The following MLLT6 variants were observed in gnomAD, a reference collection of about 807,000 sequenced individuals.
The protein encoded by MLLT6 is MLLT6, PHD finger containing.
MLLT6 carries 22 observed loss-of-function variants against 103.0 expected under a neutral mutation model. That is an observed-to-expected ratio of 0.21 (90% CI 0.15 to 0.31). The LOEUF (loss-of-function observed/expected upper bound fraction) is 0.31, where lower values mean the gene tolerates loss of function less well. Among genes scored for constraint, MLLT6 ranks in the 10% least tolerant of loss-of-function variants. MLLT6 has a pLI of 1.00. For missense variants in MLLT6, 1,199 were observed against 1,441.7 expected, an observed-to-expected ratio of 0.83 and a Z score of 2.73; for synonymous variants, 606 against 623.5, an observed-to-expected ratio of 0.97 and a Z score of 0.42.
chr17:38,724,285 A>C lies in MLLT6; in HGVS notation c.2884-335A>C. 3.3e-6 allele frequency: 1 copy of C among 302,192 alleles called. No homozygotes were observed. The highest frequency in any genetic ancestry group is 5.5e-5 in the East Asian group (1 of 18,090). 18.7% of individuals were successfully genotyped at this position (302,192 alleles called of 1,614,324 possible). A position where few individuals can be genotyped will look rare whatever the true frequency, so the allele number is the denominator to read the frequency against. On this transcript the variant is annotated intron_variant, in intron 18 of 19. Transcript: ENST00000621332. The surrounding 1 kb of genome is among the most constrained non-coding windows in gnomAD (Gnocchi z 5.4). The stretch of plus-strand genomic sequence containing the variant: ...AAAGAAAAGAAAAGAAAAGAAAACT[A>C]TTGACCTAGTTTAGTGTTTTTCAAC...
chr17:38,707,181 A>C, intron 2 of MLLT6, 152 bp downstream of exon 2: 1 of 657,262 alleles, frequency 1.5e-6, no homozygotes, highest in South Asian at 2.1e-5. Context: ...CTCCAACCTC[A>C]TCTCTGCCTC....
intron 18 of MLLT6, among the ~76,000 whole-genome samples, chr17:38,723,764 CAG>C (rs1383568831): frequency 2.9e-5 from 4 of 140,120 alleles, no homozygotes; most frequent in Non-Finnish European, 6.1e-5. Flanking sequence ...TTTTTTGAGA[CAG>C]AGTTTCACTC....
chr17:38,707,932 G>A lies in MLLT6; in HGVS notation c.354+60G>A, dbSNP rs546536382. On this transcript the variant is annotated intron_variant, in intron 4 of 19. Coordinates refer to ENST00000621332, the MANE Select transcript of MLLT6 (RefSeq NM_005937.4). ...CCTCCCATCTATGGGTTCCTCCAACGCTCTCTTCATCCGGTGTAATTTGAT... is the reference window on the plus strand; with the variant it reads ...CCTCCCATCTATGGGTTCCTCCAACACTCTCTTCATCCGGTGTAATTTGAT... The A allele has an allele frequency of 1.5e-4, 156 of 1,043,122 alleles. 1 individual carries two copies. The South Asian group carries it at 1.9e-3, about 13-fold the overall frequency. The allele number at this position is 1,043,122 out of a possible 1,614,324, so 64.6% of individuals were successfully genotyped here.
rs1366386855 is a variant in MLLT6 at position 38,725,653 on chromosome 17, A to C, written c.*55A>C. On this transcript the variant is annotated 3_prime_UTR_variant, in exon 20 of 20. Transcript: ENST00000621332. ...AGTGGAGGGAACAGATCCTGGCCTG[A>C]GGGGTCCTAGCCTGGAGCAGGCGCC... is the stretch of plus-strand genomic sequence containing the variant. The C allele has an allele frequency of 6.1e-5, 89 of 1,456,580 alleles. No homozygotes were observed. Among genetic ancestry groups the C allele is most frequent in the Non-Finnish European group, 8.1e-5 (87 of 1,070,040 alleles). The allele number at this position is 1,456,580 out of a possible 1,614,324, so 90.2% of individuals were successfully genotyped here.
At chr17:38,713,052 C>T (rs1905198447) in intron 8 of MLLT6, 2 of 773,896 alleles carry the variant, frequency 2.6e-6, no homozygotes, top group Non-Finnish European at 2.4e-6. Context: ...GGGCCTCAGC[C>T]CTGGGCTCTT....
Position 38,729,529 on chromosome 17 carries a change from C to A in MLLT6, c.*3931C>A. 4.3e-6 allele frequency: 1 copy of A among 233,334 alleles called. No homozygotes were observed. The highest frequency in any genetic ancestry group is 8.5e-6 in the Non-Finnish European group (1 of 117,848). The allele number at this position is 233,334 out of a possible 1,614,324, so 14.5% of individuals were successfully genotyped here. On this transcript the variant is annotated 3_prime_UTR_variant, in exon 20 of 20. Transcript: ENST00000621332. ...GCTCCCGTCCCGCCCCCTTTCTATC[C>A]CAACCTGTTTCCATGTAGCAGACCC...
intron 1 of MLLT6, 115 bp from the exon 2 acceptor site, chr17:38,706,835 G>A: frequency 1.3e-6 from 1 of 772,378 alleles, no homozygotes; most frequent in Non-Finnish European, 2.1e-6. Flanking sequence ...CTGGGGAGCA[G>A]CCCCCACTGC....
rs1188097311 is a variant in MLLT6, at chr17:38,706,825, C to G, written c.110-125C>G. 4 of 704,810 alleles carry G rather than the reference C, an allele frequency of 5.7e-6. 1 individual carries two copies. The highest frequency in any genetic ancestry group is 9.6e-6 in the Non-Finnish European group (4 of 418,000). The allele number at this position is 704,810 out of a possible 1,614,324, so 43.7% of individuals were successfully genotyped here. On this transcript the variant is annotated intron_variant, in intron 1 of 19. Transcript: ENST00000621332. ...TGCTGTAGAGTGAGTGACCCGTAGA[C>G]TGGGGAGCAGCCCCCACTGCTGGAA... is the stretch of plus-strand genomic sequence containing the variant.
chr17:38,723,284 G>A (rs1213199597), intron 18 of MLLT6, among the ~76,000 whole-genome samples: 1 of 152,192 alleles, frequency 6.6e-6, no homozygotes, highest in Non-Finnish European at 1.5e-5. Flanking sequence ...CAGATCGCTT[G>A]AGCTCAGGAG....
intron 8 of MLLT6, chr17:38,713,307 G>T: frequency 7.3e-6 from 3 of 408,448 alleles, no homozygotes; most frequent in Admixed American, 4.1e-5. Context: ...AGCAGGGCAT[G>T]GTATGTCAGG....
chr17:38,705,390 G>A lies in MLLT6; in HGVS notation c.-243G>A, dbSNP rs1451997977. On this transcript the variant is annotated 5_prime_UTR_variant, in exon 1 of 20. Coordinates refer to ENST00000621332, the MANE Select transcript of MLLT6 (RefSeq NM_005937.4). ...GTGCGAGTCTCATTGTTGTGGGGGG[G>A]GCCCGTCGGGGCATGAGGGCGAGAG... 6.6e-6 allele frequency among the ~76,000 whole-genome samples: 1 copy of A among 150,394 alleles called. No individual in the cohort carries two copies. Among genetic ancestry groups the A allele is most frequent in the Admixed American group, 6.6e-5 (1 of 15,174 alleles).
chr17:38,717,343 G>A (rs1010125968), intron 10 of MLLT6, 89 bp from the exon 11 acceptor site: 24 of 1,074,656 alleles, frequency 2.2e-5, no homozygotes, highest in African/African-American at 6.4e-5. Flanking sequence ...GGGAGCACTC[G>A]AGCTGGGGAG....
intron 7 of MLLT6, chr17:38,712,231 C>T (rs1905166677): frequency 2.0e-6 from 1 of 498,614 alleles, no homozygotes; most frequent in South Asian, 8.6e-5. Context: ...TCCTCTGGGT[C>T]CTCCCCATGA....
rs1567933507 is a variant in MLLT6, at chr17:38,727,942, C to T, written c.*2344C>T. On this transcript the variant is annotated 3_prime_UTR_variant, in exon 20 of 20. Coordinates refer to ENST00000621332, the MANE Select transcript of MLLT6 (RefSeq NM_005937.4). ...GAGAAGTAAGTCTACCCCGAGGTTG[C>T]CATGTTGAAGAGTGAGAGGTCCAAG... The T allele has an allele frequency of 8.6e-6, 2 of 233,280 alleles. No homozygotes were observed. The highest frequency in any genetic ancestry group is 6.0e-5 in the East Asian group (1 of 16,588). The allele number at this position is 233,280 out of a possible 1,614,324, so 14.5% of individuals were successfully genotyped here. A position where few individuals can be genotyped will look rare whatever the true frequency, so the allele number is the denominator to read the frequency against.
At position 38,707,676 on chromosome 17, in the gene MLLT6, G is replaced by A. The variant is rs894261822; in HGVS notation, c.245-87G>A. 1.9e-5 allele frequency: 23 copies of A among 1,224,790 alleles called. No individual in the cohort carries two copies. In the African/African-American group the frequency reaches 3.3e-4, roughly 17 times the overall value. 75.9% of individuals were successfully genotyped at this position (1,224,790 alleles called of 1,614,324 possible). A position where few individuals can be genotyped will look rare whatever the true frequency, so the allele number is the denominator to read the frequency against. On this transcript the variant is annotated intron_variant, in intron 3 of 19. Coordinates refer to ENST00000621332, the MANE Select transcript of MLLT6 (RefSeq NM_005937.4). Reference sequence around the variant, plus strand: ...TGGAATCTGATGGGAAGGCTGTGGAGGAGGGAACAGTCTGCAGCGTGGGGT... The same window carrying A: ...TGGAATCTGATGGGAAGGCTGTGGAAGAGGGAACAGTCTGCAGCGTGGGGT...
In MLLT6 at chr17:38,705,661, T is replaced by A; in HGVS notation, c.29T>A (p.Val10Glu). The change falls in exon 1 of 20, where the codon GTA (valine) becomes GAA (glutamate). Residue 10 changes from valine to glutamate, a missense_variant. Val to Glu is a moderately radical substitution (Grantham distance 121, BLOSUM62 -2). Coordinates refer to ENST00000621332, the MANE Select transcript of MLLT6 (RefSeq NM_005937.4). The part of the protein sequence containing the change: MKEMVGGCC[V>E]CSDERGWAEN... ...AAGGAGATGGTAGGAGGCTGCTGCG[T>A]ATGTTCGGACGAGAGGGGCTGGGCC... The A allele has an allele frequency of 6.7e-7, 1 of 1,498,206 alleles. No homozygotes were observed. The highest frequency in any genetic ancestry group is 9.0e-7 in the Non-Finnish European group (1 of 1,112,246). The allele number at this position is 1,498,206 out of a possible 1,614,324, so 92.8% of individuals were successfully genotyped here.
Position 38,716,385 on chromosome 17 carries a change from C to T in MLLT6, c.1055C>T (p.Ser352Phe). Residue 352 changes from serine to phenylalanine, a missense_variant, in exon 10 of 20, where the codon TCC becomes TTC. By Grantham distance (155) the Ser-to-Phe change is radical. This residue lies in a region of MLLT6 where 1,034 missense variants were observed against 1,091.5 expected (regional missense o/e 0.95). Coordinates refer to ENST00000621332, the MANE Select transcript of MLLT6 (RefSeq NM_005937.4). The surrounding 1 kb of genome is among the most constrained non-coding windows in gnomAD (Gnocchi z 5.6). ...FQPAVSSLQS[S>F]PDFSAFPKLE... is the part of the protein sequence containing the mutation. The stretch of plus-strand genomic sequence containing the variant: ...TGCACAGTCTCGTCCCTGCAGAGCT[C>T]CCCTGACTTCTCTGCATTCCCCAAG... 4 of 1,613,112 alleles carry T rather than the reference C, an allele frequency of 2.5e-6. No individual in the cohort carries two copies. The highest frequency in any genetic ancestry group is 3.4e-6 in the Non-Finnish European group (4 of 1,179,626).
rs1415679497 is a variant in MLLT6 at position 38,716,835 on chromosome 17, A to C, written c.1505A>C (p.Gln502Pro). ...GPAAPSLPSA[Q>P]LAGFTATAAS... The stretch of plus-strand genomic sequence containing the variant: ...GCTGCCCCATCCTTGCCCAGTGCCC[A>C]GCTGGCTGGCTTTACCGCCACTGCT... Residue 502 changes from glutamine to proline, a missense_variant, in exon 10 of 20, where the codon CAG becomes CCG. Around this residue, in one of 7 missense-constraint regions of MLLT6, gnomAD observed 1,034 missense variants for 1,091.5 expected, o/e 0.95. Coordinates refer to ENST00000621332, the MANE Select transcript of MLLT6 (RefSeq NM_005937.4). This position sits in a 1 kb window ranked among gnomAD's most constrained non-coding sequence, Gnocchi z 5.6. 1 of 1,612,794 alleles carries C rather than the reference A, an allele frequency of 6.2e-7. No individual in the cohort carries two copies. Among genetic ancestry groups the C allele is most frequent in the South Asian group, 1.1e-5 (1 of 90,858 alleles).
At chr17:38,713,036 T>C (rs762408114) in intron 8 of MLLT6, 7 of 776,138 alleles carry the variant, frequency 9.0e-6, no homozygotes, top group Non-Finnish European at 1.7e-5. Flanking sequence ...TCTGCCTCTG[T>C]CCAGAGGGCC....
Sources: allele counts gnomAD v4.1 joint callset (sites outside exome capture counted in the v4.1 genomes callset), GRCh38; gene constraint gnomAD v4.1.1; regional missense constraint gnomAD v4.1.1; non-coding constraint Gnocchi (gnomAD v3.1); transcripts MANE v1.5; gene names NCBI Gene and HGNC (gene_info 2026-07-23, HGNC 2026-07-21).